The following EXOC4 variants were observed in gnomAD, a reference collection of about 807,000 sequenced individuals.
EXOC4 encodes the protein exocyst complex component 4.
In EXOC4, 71 loss-of-function variants were observed where a neutral mutation model predicts 107.2. The ratio of observed to expected loss-of-function variants is 0.66; its 90% CI spans 0.55 to 0.81. The LOEUF (loss-of-function observed/expected upper bound fraction) is 0.81, where lower values mean the gene tolerates loss of function less well. Ranked by LOEUF, EXOC4 falls within the 30% of genes least tolerant of loss-of-function variation. EXOC4 has a pLI of 0.00. For missense variants in EXOC4, 1,108 were observed against 1,189.6 expected, an observed-to-expected ratio of 0.93 and a Z score of 1.01; for synonymous variants, 456 against 441.2, an observed-to-expected ratio of 1.03 and a Z score of -0.42.
chr7:133,937,220 G>A lies in EXOC4; in HGVS notation c.2028-671G>A, dbSNP rs566639467. ...CCTGCAAAACATTTTGAAGATATTGGGCTCTGCGTGAAACCCACTAGATTA... is the reference window on the plus strand; with the variant it reads ...CCTGCAAAACATTTTGAAGATATTGAGCTCTGCGTGAAACCCACTAGATTA... On this transcript the variant is annotated intron_variant, in intron 13 of 17. Transcript: ENST00000253861. 1.1e-4 allele frequency among the ~76,000 whole-genome samples: 17 copies of A among 152,056 alleles called. 1 individual carries two copies. The South Asian group carries it at 2.1e-3, about 19-fold the overall frequency.
chr7:133,851,597 T>TCC (rs1485053502), intron 11 of EXOC4, among the ~76,000 whole-genome samples: 29 of 152,162 alleles, frequency 1.9e-4, no homozygotes, highest in Non-Finnish European at 2.5e-4. Context: ...GGCAGCACAT[T>TCC]ACAGCCAGAG....
At chr7:133,870,936 A>G (rs1007987658) in intron 11 of EXOC4, among the ~76,000 whole-genome samples, 1 of 152,194 alleles carries the variant, frequency 6.6e-6, no homozygotes, top group Non-Finnish European at 1.5e-5. Flanking sequence ...CTCTCCATCC[A>G]CTTACTTGAG....
the EXOC4 span, among the ~76,000 whole-genome samples, chr7:134,094,785 C>T: frequency 2.1e-3 from 314 of 152,108 alleles, no homozygotes; most frequent in Middle Eastern, 0.01. Context: ...AATCCAACAT[C>T]GATTCATAAT....
chr7:133,327,202 T>C (rs1795267890), intron 5 of EXOC4, among the ~76,000 whole-genome samples: 1 of 152,174 alleles, frequency 6.6e-6, no homozygotes, highest in African/African-American at 2.4e-5. Context: ...CTTGGTGGGC[T>C]GCGCACCCAC....
intron 10 of EXOC4, among the ~76,000 whole-genome samples, chr7:133,758,299 C>A (rs1354070445): frequency 6.6e-6 from 1 of 152,010 alleles, no homozygotes; most frequent in African/African-American, 2.4e-5. Flanking sequence ...CCACCATGCC[C>A]GGCTAATTTT....
intron 9 of EXOC4, among the ~76,000 whole-genome samples, chr7:133,547,601 T>G (rs1203471469): frequency 6.6e-6 from 1 of 152,232 alleles, no homozygotes; most frequent in Admixed American, 6.5e-5. Context: ...GCTTTATCAA[T>G]TAAGTTTATA....
Position 133,312,354 on chromosome 7 carries a change from A to G in EXOC4, c.657-4930A>G, listed in dbSNP as rs143517241. ...AAACTTAAATATGTATACTTTATAT[A>G]TTGGTATAAATATTTGTATGTGTAT... On this transcript the variant is annotated intron_variant, in intron 4 of 17. Coordinates refer to ENST00000253861, the MANE Select transcript of EXOC4 (RefSeq NM_021807.4). Among the ~76,000 whole-genome samples the G allele has an allele frequency of 7.2e-5, 11 of 152,322 alleles. No individual in the cohort carries two copies. In the East Asian group the frequency reaches 1.2e-3, roughly 16 times the overall value.
At chr7:133,407,766 A>G (rs914867490) in intron 7 of EXOC4, among the ~76,000 whole-genome samples, 2 of 152,216 alleles carry the variant, frequency 1.3e-5, no homozygotes, top group Non-Finnish European at 2.9e-5. Flanking sequence ...AAACATTTAA[A>G]ATCAAGCTGG....
At chr7:133,966,435 CT>C (rs1801067677) in intron 14 of EXOC4, among the ~76,000 whole-genome samples, 1 of 152,168 alleles carries the variant, frequency 6.6e-6, no homozygotes, top group Non-Finnish European at 1.5e-5. Context: ...CAGCTTTTGC[CT>C]ATTCAATATG....
rs542535960 is a variant in EXOC4 at position 133,846,225 on chromosome 7, T to TC, written c.1734+28682dup. On this transcript the variant is annotated intron_variant, in intron 11 of 17. Transcript: ENST00000253861. ...TTTCTAGCCCTGTCAGCTGCCTGCC[T>TC]CATTACCTTAGACTTTCATATAATC... is the stretch of plus-strand genomic sequence containing the variant. 1.8e-4 allele frequency among the ~76,000 whole-genome samples: 28 copies of TC among 152,366 alleles called. 1 individual carries two copies. In the South Asian group the frequency reaches 4.1e-3, roughly 23 times the overall value.
chr7:133,971,340 A>G (rs915029340), intron 14 of EXOC4, among the ~76,000 whole-genome samples: 17 of 87,342 alleles, frequency 1.9e-4, no homozygotes, highest in African/African-American at 7.1e-4. Context: ...ATGTGTATAT[A>G]TATATATATA....
intron 17 of EXOC4, among the ~76,000 whole-genome samples, chr7:134,034,117 T>A (rs951084191): frequency 4.6e-5 from 7 of 152,048 alleles, no homozygotes; most frequent in African/African-American, 1.7e-4. Flanking sequence ...AAGGTAACCA[T>A]GAAGCAGGCT....
intron 11 of EXOC4, among the ~76,000 whole-genome samples, chr7:133,826,456 C>T (rs1156654824): frequency 6.6e-6 from 1 of 152,150 alleles, no homozygotes; most frequent in Non-Finnish European, 1.5e-5. Flanking sequence ...GTCCAAGCTA[C>T]TTGTCTTGTC....
intron 10 of EXOC4, among the ~76,000 whole-genome samples, chr7:133,720,031 C>T (rs1308961531): frequency 6.6e-6 from 1 of 152,162 alleles, no homozygotes; most frequent in Non-Finnish European, 1.5e-5. Flanking sequence ...ACCATCGCCA[C>T]GTTTGGCTGT....
At chr7:134,062,596 C>G (rs1231220130) in intron 17 of EXOC4, among the ~76,000 whole-genome samples, 1 of 152,196 alleles carries the variant, frequency 6.6e-6, no homozygotes, top group Non-Finnish European at 1.5e-5. Flanking sequence ...GTTCTGTCCC[C>G]TCGATCTTGG....
At chr7:134,037,825 C>T (rs1209168610) in intron 17 of EXOC4, among the ~76,000 whole-genome samples, 1 of 152,092 alleles carries the variant, frequency 6.6e-6, no homozygotes, top group Non-Finnish European at 1.5e-5. Context: ...TTCTTATTTC[C>T]CAGTGATGTC....
At chr7:133,538,632 A>G (rs1800318680) in intron 9 of EXOC4, among the ~76,000 whole-genome samples, 1 of 152,050 alleles carries the variant, frequency 6.6e-6, no homozygotes, top group Non-Finnish European at 1.5e-5. Context: ...CCTGGGCAAC[A>G]AAGTAAGACC....
At chr7:133,376,331 A>G (rs907460796) in intron 7 of EXOC4, among the ~76,000 whole-genome samples, 1 of 152,188 alleles carries the variant, frequency 6.6e-6, no homozygotes, top group Non-Finnish European at 1.5e-5. Flanking sequence ...GAGGCTGGTT[A>G]TTTAACATTT....
chr7:133,550,317 C>G (rs1373994512), intron 9 of EXOC4, among the ~76,000 whole-genome samples: 2 of 152,194 alleles, frequency 1.3e-5, no homozygotes, highest in Admixed American at 6.5e-5. Context: ...CTAGCCTAAA[C>G]CTCTTTCATA....
Sources: gnomAD v4.1 joint callset for allele counts (sites outside exome capture counted in the v4.1 genomes callset) on GRCh38, gnomAD v4.1.1 for gene constraint, MANE v1.5 for transcripts, NCBI Gene and HGNC (gene_info 2026-07-23, HGNC 2026-07-21) for gene names.